The following CDH5 variants were observed in gnomAD, a reference collection of about 807,000 sequenced individuals.
CDH5 encodes cadherin-5.
CDH5 carries 28 observed loss-of-function variants against 62.0 expected under a neutral mutation model. That is an observed-to-expected ratio of 0.45 (90% CI 0.33 to 0.62). CDH5 has a LOEUF of 0.62. CDH5 is among the 20% of genes least tolerant of loss of function. The pLI, the probability that CDH5 is intolerant of heterozygous loss-of-function variation, is 0.02. For missense variants in CDH5, 940 were observed against 1,065.1 expected (o/e 0.88, Z 1.63); for synonymous variants, 464 against 445.8 (o/e 1.04, Z -0.52).
intron 2 of CDH5, 46 bp from the exon 3 acceptor site, chr16:66,386,763 A>G: frequency 1.3e-5 from 20 of 1,523,222 alleles, no homozygotes; most frequent in Non-Finnish European, 1.8e-5. Flanking sequence ...ACTCACACAC[A>G]GCCACTGCCG....
chr16:66,390,360 T>C (rs1234506329), intron 5 of CDH5, 43 bp from the exon 6 acceptor site: 1 of 1,499,972 alleles, frequency 6.7e-7, no homozygotes, highest in South Asian at 1.3e-5. Context: ...GCCTTGTCTA[T>C]CTCATTAACC....
chr16:66,376,353 A>G (rs1488853461), intron 1 of CDH5: 11 of 152,308 alleles, frequency 7.2e-5, no homozygotes, highest in Non-Finnish European at 1.5e-4. Context: ...TTTGCAGCAC[A>G]TGACTCTATT....
chr16:66,402,842 C>A lies in CDH5; in HGVS notation c.2028C>A (p.Pro676=). Residue 676 remains proline (P), a synonymous_variant, in exon 12 of 12, where the codon CCC becomes CCA. Transcript: ENST00000341529. The stretch of plus-strand genomic sequence containing the variant: ...GCGGCGGGGCCAAGCCCCCGCGGCC[C>A]GCGCTGGACGCCCGGCCTTCCCTCT... ...VRRGGAKPPR[P]ALDARPSLYA... 6.3e-7 allele frequency: 1 copy of A among 1,599,828 alleles called. No individual in the cohort carries two copies.
chr16:66,393,989 G>T (rs1961132349), intron 7 of CDH5, among the ~76,000 whole-genome samples: 1 of 151,986 alleles, frequency 6.6e-6, no homozygotes. Flanking sequence ...TGATCCAAGG[G>T]TTTATTTAAG....
At chr16:66,387,655 A>G (rs957049414) in intron 3 of CDH5, among the ~76,000 whole-genome samples, 1 of 152,152 alleles carries the variant, frequency 6.6e-6, no homozygotes, top group African/African-American at 2.4e-5. Flanking sequence ...AACTTCACTC[A>G]CTTCCTCTGA....
chr16:66,398,124 G>A lies in CDH5; in HGVS notation c.1485+18G>A. ...ATGGCCAGGTGAGTCTGGTTCAGGTGGGAGGGGAAGGCAGCACCACCCTGG... is the reference window on the plus strand; with the variant it reads ...ATGGCCAGGTGAGTCTGGTTCAGGTAGGAGGGGAAGGCAGCACCACCCTGG... On this transcript the variant is annotated intron_variant, in intron 9 of 11. Transcript: ENST00000341529. 6.2e-7 allele frequency: 1 copy of A among 1,614,198 alleles called. No individual in the cohort carries two copies. The highest frequency in any genetic ancestry group is 1.1e-5 in the South Asian group (1 of 91,084).
chr16:66,372,505 C>A (rs1008570922), intron 1 of CDH5, among the ~76,000 whole-genome samples: 7 of 152,196 alleles, frequency 4.6e-5, no homozygotes, highest in Non-Finnish European at 1.0e-4. Context: ...GGAGCTATGC[C>A]TGGAGGCTCA....
chr16:66,399,804 C>A (rs1006692777), intron 10 of CDH5, among the ~76,000 whole-genome samples: 1 of 152,202 alleles, frequency 6.6e-6, no homozygotes, highest in Non-Finnish European at 1.5e-5. Flanking sequence ...ATGTCAAAAT[C>A]TCTAGTTTCT....
rs371977380 is a variant in CDH5 at position 66,398,498 on chromosome 16, C to G, written c.1528C>G (p.Arg510Gly). ...ISAIDKDITP[R>G]NVKFKFILNT... Reference sequence around the variant, plus strand: ...CGCAATAGACAAGGACATAACACCACGAAACGTGAAGTTCAAATTCATCTT... The same window carrying G: ...CGCAATAGACAAGGACATAACACCAGGAAACGTGAAGTTCAAATTCATCTT... Residue 510 changes from arginine to glycine, a missense_variant, in exon 10 of 12, where the codon CGA (arginine) becomes GGA (glycine). Arg to Gly is a moderately radical substitution (Grantham distance 125). Transcript: ENST00000341529. 1 of 1,609,918 alleles carries G rather than the reference C, an allele frequency of 6.2e-7. No individual in the cohort carries two copies. Among genetic ancestry groups the G allele is most frequent in the Non-Finnish European group, 8.5e-7 (1 of 1,176,104 alleles).
chr16:66,372,297 C>G (rs1960705943), intron 1 of CDH5, among the ~76,000 whole-genome samples: 1 of 152,270 alleles, frequency 6.6e-6, no homozygotes. Flanking sequence ...AATTAAGTGC[C>G]TGGCACATAG....
intron 11 of CDH5, among the ~76,000 whole-genome samples, chr16:66,402,028 T>A (rs1961291948): frequency 6.6e-6 from 1 of 152,118 alleles, no homozygotes; most frequent in Non-Finnish European, 1.5e-5. Context: ...TAATTAATGA[T>A]GATGATGGCA....
At chr16:66,384,141 G>A (rs1356506237) in intron 2 of CDH5, among the ~76,000 whole-genome samples, 2 of 134,314 alleles carry the variant, frequency 1.5e-5, no homozygotes, top group South Asian at 2.5e-4. Flanking sequence ...CTGGAGTGCA[G>A]TGGCGTGATC....
Position 66,403,253 on chromosome 16 carries a change from A to G in CDH5, c.*84A>G. The G allele has an allele frequency of 1.5e-6, 2 of 1,310,858 alleles. No homozygotes were observed. Among genetic ancestry groups the G allele is most frequent in the South Asian group, 2.8e-5 (2 of 70,552 alleles). 81.2% of individuals were successfully genotyped at this position (1,310,858 alleles called of 1,614,324 possible). On this transcript the variant is annotated 3_prime_UTR_variant, in exon 12 of 12. Transcript: ENST00000341529. This position sits in a 1 kb window ranked among gnomAD's most constrained non-coding sequence, Gnocchi z 4.3. ...ACGCCAGGCACCACAGCCTCCAAAAATGGCAGTGACTCCCCAGCCCAGCAC... is the reference window on the plus strand; with the variant it reads ...ACGCCAGGCACCACAGCCTCCAAAAGTGGCAGTGACTCCCCAGCCCAGCAC...
chr16:66,370,391 T>C (rs1009911428), intron 1 of CDH5, among the ~76,000 whole-genome samples: 3 of 152,302 alleles, frequency 2.0e-5, no homozygotes, highest in East Asian at 1.9e-4. Context: ...GCCTATCCCA[T>C]GAGCCATCAG....
At chr16:66,380,940 G>C (rs746188863) in intron 2 of CDH5, among the ~76,000 whole-genome samples, 1 of 152,044 alleles carries the variant, frequency 6.6e-6, no homozygotes, top group Non-Finnish European at 1.5e-5. Context: ...ATTTCTCCCA[G>C]ACCTTGGTCT....
intron 1 of CDH5, among the ~76,000 whole-genome samples, chr16:66,371,167 C>A (rs56229244): frequency 6.6e-6 from 1 of 152,086 alleles, no homozygotes; most frequent in Non-Finnish European, 1.5e-5. Context: ...GCCGCCAATA[C>A]GCAACTTTAA....
intron 2 of CDH5, 26 bp downstream of exon 2, chr16:66,379,573 G>T: frequency 6.2e-7 from 1 of 1,605,000 alleles, no homozygotes; most frequent in Non-Finnish European, 8.5e-7. Context: ...CAGGACAGGA[G>T]AAGCCATCAG....
intron 7 of CDH5, among the ~76,000 whole-genome samples, chr16:66,394,234 C>T (rs1596943141): frequency 6.6e-6 from 1 of 152,270 alleles, no homozygotes; most frequent in African/African-American, 2.4e-5. Flanking sequence ...ATTTGTTCTG[C>T]TTAAATATTT....
chr16:66,402,717 G>A lies in CDH5; in HGVS notation c.1903G>A (p.Val635Met), dbSNP rs1052074953. The A allele has an allele frequency of 3.1e-6, 5 of 1,609,724 alleles. No homozygotes were observed. The highest frequency in any genetic ancestry group is 1.3e-5 in the African/African-American group (1 of 74,932). ...RKQARAHGKS[V>M]PEIHEQLVTY... is the part of the protein sequence containing the mutation. Reference sequence around the variant, plus strand: ...GCAGGCCCGCGCGCACGGCAAGAGCGTGCCGGAGATCCACGAGCAGCTGGT... The same window carrying A: ...GCAGGCCCGCGCGCACGGCAAGAGCATGCCGGAGATCCACGAGCAGCTGGT... Residue 635 changes from valine (V) to methionine (M), a missense_variant, in exon 12 of 12, where the codon GTG (valine) becomes ATG (methionine). By Grantham distance (21) the Val-to-Met change is conservative (BLOSUM62 1). Transcript: ENST00000341529.
Sources: gnomAD v4.1 joint callset for allele counts (sites outside exome capture counted in the v4.1 genomes callset) on GRCh38, gnomAD v4.1.1 for gene constraint, Gnocchi (gnomAD v3.1) non-coding constraint, MANE v1.5 for transcripts, NCBI Gene and HGNC (gene_info 2026-07-23, HGNC 2026-07-21) for gene names.